MBD5: variants seen among roughly 807,000 people sequenced by gnomAD.
The protein encoded by MBD5 is methyl-CpG-binding domain protein 5.
Under a neutral mutation model 117.3 loss-of-function variants are expected in MBD5, and 13 were observed. That is an observed-to-expected ratio of 0.11 (90% CI 0.07 to 0.18). MBD5 has a LOEUF of 0.18. MBD5 is among the 10% of genes least tolerant of loss of function. The probability of loss-of-function intolerance (pLI) is 1.00; values close to 1 mark genes in which losing one functional copy is unlikely to be tolerated. For missense variants in MBD5, 1,879 were observed against 2,093.8 expected, an observed-to-expected ratio of 0.90 and a Z score of 2.00; for synonymous variants, 727 against 766.4, an observed-to-expected ratio of 0.95 and a Z score of 0.85.
intron 2 of MBD5, among the ~76,000 whole-genome samples, chr2:148,202,156 C>T (rs1483842285): frequency 6.6e-6 from 1 of 152,116 alleles, no homozygotes; most frequent in Admixed American, 6.5e-5. Context: ...CTGCATGGAG[C>T]TTACTACCTT....
chr2:148,049,333 T>G (rs774595257), intron 1 of MBD5, among the ~76,000 whole-genome samples: 2 of 152,202 alleles, frequency 1.3e-5, no homozygotes, highest in Non-Finnish European at 2.9e-5. Context: ...ACTAGAAATT[T>G]ATGGAAATCT....
chr2:148,134,109 T>A (rs1697116117), intron 1 of MBD5, among the ~76,000 whole-genome samples: 1 of 152,198 alleles, frequency 6.6e-6, no homozygotes, highest in Non-Finnish European at 1.5e-5. Context: ...GATGGCCGTG[T>A]ATTAGCCAGT....
intron 3 of MBD5, among the ~76,000 whole-genome samples, chr2:148,298,393 T>C (rs1701705429): frequency 1.3e-5 from 2 of 152,162 alleles, no homozygotes; most frequent in South Asian, 4.1e-4. Flanking sequence ...GCTGAGCTGG[T>C]GAGTGGGAGT....
chr2:148,216,813 C>T lies in MBD5; in HGVS notation c.-830-16432C>T, dbSNP rs377509536. On this transcript the variant is annotated intron_variant, in intron 2 of 13. Transcript: ENST00000642680. Reference sequence around the variant, plus strand: ...TCACAATCTTTACTTCTTCCGCTGACCCTCAGCACCACCCAAAGTACTTTT... The same window carrying T: ...TCACAATCTTTACTTCTTCCGCTGATCCTCAGCACCACCCAAAGTACTTTT... Among the ~76,000 whole-genome samples, 34 of 152,264 alleles carry T rather than the reference C, an allele frequency of 2.2e-4. No individual in the cohort carries two copies. The East Asian group carries it at 6.4e-3, about 29-fold the overall frequency.
At chr2:148,497,349 G>A (rs1280610464) in intron 11 of MBD5, among the ~76,000 whole-genome samples, 1 of 151,938 alleles carries the variant, frequency 6.6e-6, no homozygotes, top group Admixed American at 6.6e-5. Context: ...AATATTACTT[G>A]TATTTTTCTA....
intron 3 of MBD5, among the ~76,000 whole-genome samples, chr2:148,327,679 G>GTTT (rs1702497668): frequency 6.6e-6 from 1 of 151,694 alleles, no homozygotes; most frequent in Non-Finnish European, 1.5e-5. Context: ...TCGAGCCTTG[G>GTTT]TTTTCAGCTC....
At chr2:148,434,680 G>A (rs920731652) in intron 4 of MBD5, among the ~76,000 whole-genome samples, 2 of 152,100 alleles carry the variant, frequency 1.3e-5, no homozygotes, top group Admixed American at 6.6e-5. Flanking sequence ...CCAAATGTGT[G>A]ATCCATTTTA....
chr2:148,391,852 G>C (rs1029439429), intron 4 of MBD5, among the ~76,000 whole-genome samples: 1 of 152,110 alleles, frequency 6.6e-6, no homozygotes, highest in Admixed American at 6.6e-5. Context: ...TTTTGCATCT[G>C]TTCATCAAGG....
intron 3 of MBD5, among the ~76,000 whole-genome samples, chr2:148,278,643 G>C (rs1701169862): frequency 6.6e-6 from 1 of 152,024 alleles, no homozygotes; most frequent in Non-Finnish European, 1.5e-5. Context: ...TTTTAGTCAG[G>C]GTTCTCCGGA....
At chr2:148,266,545 GAA>G (rs1406703146) in intron 3 of MBD5, among the ~76,000 whole-genome samples, 10 of 151,966 alleles carry the variant, frequency 6.6e-5, no homozygotes, top group African/African-American at 2.2e-4. Flanking sequence ...AATAAAAAGA[GAA>G]AGAAGAGAAA....
intron 4 of MBD5, among the ~76,000 whole-genome samples, chr2:148,399,292 A>G (rs1183428967): frequency 6.6e-6 from 1 of 152,180 alleles, no homozygotes; most frequent in African/African-American, 2.4e-5. Flanking sequence ...TGAGCATGGA[A>G]TGTTCTTCCA....
chr2:148,178,613 A>C (rs1698443211), intron 1 of MBD5, 87 bp from the exon 2 acceptor site: 1 of 390,580 alleles, frequency 2.6e-6, no homozygotes, highest in East Asian at 3.6e-5. Context: ...AGTCATGAAG[A>C]ATAATTTCAA....
chr2:148,066,538 G>A (rs1036959495), intron 1 of MBD5, among the ~76,000 whole-genome samples: 2 of 149,164 alleles, frequency 1.3e-5, no homozygotes, highest in Admixed American at 6.7e-5. Flanking sequence ...CCAGGCTGGA[G>A]TGCAATGGCA....
rs1386152569 is a variant in MBD5, at chr2:148,502,357, T to C, written c.4963-79T>C. 7 of 1,323,610 alleles carry C rather than the reference T, an allele frequency of 5.3e-6. No individual in the cohort carries two copies. The East Asian group carries it at 1.4e-4, about 26-fold the overall frequency. 82.0% of individuals were successfully genotyped at this position (1,323,610 alleles called of 1,614,324 possible). A position where few individuals can be genotyped will look rare whatever the true frequency, so the allele number is the denominator to read the frequency against. On this transcript the variant is annotated intron_variant, in intron 11 of 13. Transcript: ENST00000642680. ...CCTCCCCGCCAGTGCAGCACCTGCT[T>C]GTACGGCAGGAAAGTAAAAACCGTG... is the stretch of plus-strand genomic sequence containing the variant.
At chr2:148,033,125 A>G (rs1694088249) in intron 1 of MBD5, among the ~76,000 whole-genome samples, 1 of 152,188 alleles carries the variant, frequency 6.6e-6, no homozygotes. Context: ...GAGCAAACCA[A>G]GGTAGAAGGA....
intron 1 of MBD5, among the ~76,000 whole-genome samples, chr2:148,034,626 TAACA>T (rs1383621781): frequency 1.3e-5 from 2 of 152,190 alleles, no homozygotes; most frequent in African/African-American, 2.4e-5. Context: ...TTTATCATTA[TAACA>T]AACAAACATT....
chr2:148,412,307 G>A (rs1705281861), intron 4 of MBD5, among the ~76,000 whole-genome samples: 1 of 117,602 alleles, frequency 8.5e-6, no homozygotes, highest in Non-Finnish European at 1.8e-5. Flanking sequence ...TGTGTGTAGA[G>A]AGAGAGAATA....
intron 4 of MBD5, among the ~76,000 whole-genome samples, chr2:148,438,378 A>G (rs2105378783): frequency 6.6e-6 from 1 of 152,332 alleles, no homozygotes; most frequent in African/African-American, 2.4e-5. Context: ...AGACATTTCA[A>G]TTAAGCAATT....
At chr2:148,319,498 A>C (rs1156398411) in intron 3 of MBD5, among the ~76,000 whole-genome samples, 1 of 151,868 alleles carries the variant, frequency 6.6e-6, no homozygotes, top group East Asian at 1.9e-4. Context: ...TAGGTTTTTG[A>C]GTGGTTTTTT....
Sources: gnomAD v4.1 joint callset for allele counts (sites outside exome capture counted in the v4.1 genomes callset) on GRCh38, gnomAD v4.1.1 for gene constraint, MANE v1.5 for transcripts, NCBI Gene and HGNC (gene_info 2026-07-23, HGNC 2026-07-21) for gene names.